Variants in FAM135B observed in about 807,000 individuals in gnomAD.
FAM135B encodes the protein protein FAM135B.
A neutral mutation model predicts 127.7 loss-of-function variants in FAM135B; 43 were observed. That is an observed-to-expected ratio of 0.34 (90% confidence interval 0.26 to 0.43). The LOEUF is 0.43. Among genes scored for constraint, FAM135B ranks in the 20% least tolerant of loss-of-function variants. The pLI is 1.00. For missense variants in FAM135B, 1,558 were observed against 1,725.6 expected (o/e 0.90, Z 1.72); for synonymous variants, 670 against 665.1 (o/e 1.01, Z -0.11).
In FAM135B at chr8:138,147,132, A is replaced by AT. The variant is rs59115248; in HGVS notation, c.3449-1083dup. On this transcript the variant is annotated intron_variant, in intron 14 of 19. Transcript: ENST00000395297. Reference sequence around the variant, plus strand: ...GTAGAGTCACAGTCATAAAATGGTCATTTTTTTAAAGGAAATCTGTGCATT... The same window carrying AT: ...GTAGAGTCACAGTCATAAAATGGTCATTTTTTTTAAAGGAAATCTGTGCATT... Among the ~76,000 whole-genome samples the AT allele has an allele frequency of 4.1e-3, 619 of 152,192 alleles. 5 individuals carry two copies. Among genetic ancestry groups the AT allele is most frequent in the African/African-American group, 0.014 (593 of 41,520 alleles).
intron 14 of FAM135B, among the ~76,000 whole-genome samples, chr8:138,147,437 G>A (rs556564924): frequency 5.3e-5 from 8 of 152,256 alleles, no homozygotes; most frequent in African/African-American, 1.9e-4. Flanking sequence ...TTAATAAACT[G>A]AGAACATTTA....
intron 5 of FAM135B, among the ~76,000 whole-genome samples, chr8:138,255,926 G>C (rs949696735): frequency 3.3e-5 from 5 of 152,160 alleles, no homozygotes; most frequent in Non-Finnish European, 7.4e-5. Flanking sequence ...AAGAAAGGGG[G>C]GATATGAAGC....
chr8:138,416,759 A>G (rs1361538333), intron 1 of FAM135B, among the ~76,000 whole-genome samples: 3 of 152,112 alleles, frequency 2.0e-5, no homozygotes, highest in African/African-American at 7.2e-5. Flanking sequence ...CAAGAAGATT[A>G]GCACACTCCA....
chr8:138,430,297 G>C (rs1835123757), intron 1 of FAM135B, among the ~76,000 whole-genome samples: 1 of 152,130 alleles, frequency 6.6e-6, no homozygotes, highest in South Asian at 2.1e-4. Flanking sequence ...AAGATGCTTG[G>C]TATATGCTTC....
intron 3 of FAM135B, among the ~76,000 whole-genome samples, chr8:138,296,500 A>G (rs1197983302): frequency 1.3e-5 from 2 of 152,340 alleles, no homozygotes; most frequent in East Asian, 3.9e-4. Flanking sequence ...TAAAGCAGAC[A>G]AACATAATTT....
rs939660015 is a variant in FAM135B at position 138,384,327 on chromosome 8, C to A, written c.-19-16325G>T. Among the ~76,000 whole-genome samples the A allele has an allele frequency of 3.9e-5, 6 of 152,090 alleles. 1 individual carries two copies. In the Middle Eastern group the frequency reaches 0.017, roughly 431 times the overall value. On this transcript the variant is annotated intron_variant, in intron 1 of 19. Coordinates refer to ENST00000395297, the MANE Select transcript of FAM135B (RefSeq NM_015912.4). Reference sequence around the variant, plus strand: ...GAGGCTAGTGGTTGCCTAGTGGTAACCTAGGCCCCATAGGCTCCATTTATT... The same window carrying A: ...GAGGCTAGTGGTTGCCTAGTGGTAAACTAGGCCCCATAGGCTCCATTTATT...
intron 1 of FAM135B, among the ~76,000 whole-genome samples, chr8:138,405,798 C>T (rs967987383): frequency 1.2e-4 from 18 of 152,010 alleles, no homozygotes; most frequent in African/African-American, 4.1e-4. Context: ...CACTGACTTC[C>T]ACAATGGTTG....
Position 138,152,553 on chromosome 8 carries a change from C to G in FAM135B, c.1922G>C (p.Cys641Ser), listed in dbSNP as rs2130773815. Residue 641 changes from cysteine to serine, a missense_variant, in exon 13 of 20, where the codon TGT (cysteine) becomes TCT (serine). Physicochemically the swap from Cys to Ser is moderately radical, Grantham distance 112 (BLOSUM62 -1). Coordinates refer to ENST00000395297, the MANE Select transcript of FAM135B (RefSeq NM_015912.4). ...LSLKLTPSEPCDPLSSTLREP... is the reference protein window; with the variant it reads ...LSLKLTPSEPSDPLSSTLREP... ...CCTCAGGGTAGAACTTAGTGGATCA[C>G]AGGGCTCAGAGGGGGTGAGTTTCAA... is the stretch of plus-strand genomic sequence containing the variant. The G allele has an allele frequency of 1.2e-6, 2 of 1,614,182 alleles. No individual in the cohort carries two copies. The highest frequency in any genetic ancestry group is 2.2e-5 in the East Asian group (1 of 44,858).
Position 138,426,294 on chromosome 8 carries a change from GGCTAA to G in FAM135B, c.-19-58297_-19-58293del, listed in dbSNP as rs147060970. Reference sequence around the variant, plus strand: ...TATGGCACTTCATATTGACCAGAATGGCTAAGCTAAAATATAAAAGCAGAGATTAC... The same window carrying G: ...TATGGCACTTCATATTGACCAGAATGGCTAAAATATAAAAGCAGAGATTAC... On this transcript the variant is annotated intron_variant, in intron 1 of 19. Transcript: ENST00000395297. 7.1e-3 allele frequency among the ~76,000 whole-genome samples: 1,075 copies of G among 151,310 alleles called. 6 individuals are homozygous for G. Among genetic ancestry groups the G allele is most frequent in the Non-Finnish European group, 0.012 (847 of 67,844 alleles).
Position 138,243,210 on chromosome 8 carries a change from A to T in FAM135B, c.543-142T>A. On this transcript the variant is annotated intron_variant, in intron 6 of 19. Transcript: ENST00000395297. The surrounding 1 kb of genome is among the most constrained non-coding windows in gnomAD (Gnocchi z 7.5). Reference sequence around the variant, plus strand: ...AGTTCACCCCCTAGGGAGTGTTTGCATGTGACATTTGTGGATATTTTGATG... The same window carrying T: ...AGTTCACCCCCTAGGGAGTGTTTGCTTGTGACATTTGTGGATATTTTGATG... The T allele has an allele frequency of 1.1e-6, 1 of 943,972 alleles. No individual in the cohort carries two copies. The highest frequency in any genetic ancestry group is 1.5e-6 in the Non-Finnish European group (1 of 664,946). The allele number at this position is 943,972 out of a possible 1,614,324, so 58.5% of individuals were successfully genotyped here.
intron 2 of FAM135B, among the ~76,000 whole-genome samples, chr8:138,360,411 G>C (rs1053423758): frequency 6.6e-6 from 1 of 152,188 alleles, no homozygotes; most frequent in Non-Finnish European, 1.5e-5. Context: ...CATTCCTCCT[G>C]CTTTCTCACC....
Position 138,317,636 on chromosome 8 carries a change from T to C in FAM135B, c.78-6716A>G, listed in dbSNP as rs555406089. Reference sequence around the variant, plus strand: ...GCATCTGTCCTGTTCAACAGGAAAATCACAGTGACTGGATCTATTGGAAAG... The same window carrying C: ...GCATCTGTCCTGTTCAACAGGAAAACCACAGTGACTGGATCTATTGGAAAG... On this transcript the variant is annotated intron_variant, in intron 2 of 19. Coordinates refer to ENST00000395297, the MANE Select transcript of FAM135B (RefSeq NM_015912.4). 1.3e-4 allele frequency among the ~76,000 whole-genome samples: 20 copies of C among 152,292 alleles called. No individual in the cohort carries two copies. In the South Asian group the frequency reaches 4.2e-3, roughly 32 times the overall value.
chr8:138,212,051 G>A (rs905299458), intron 7 of FAM135B, among the ~76,000 whole-genome samples: 2 of 152,172 alleles, frequency 1.3e-5, no homozygotes, highest in African/African-American at 4.8e-5. Flanking sequence ...CTTGGTGACA[G>A]AAAGACATTG....
At chr8:138,230,869 T>C (rs1384513603) in intron 7 of FAM135B, among the ~76,000 whole-genome samples, 1 of 152,174 alleles carries the variant, frequency 6.6e-6, no homozygotes, top group Non-Finnish European at 1.5e-5. Context: ...AAAAACTGAT[T>C]AGGCTGTCAA....
intron 1 of FAM135B, among the ~76,000 whole-genome samples, chr8:138,378,006 T>C (rs1831597432): frequency 6.6e-6 from 1 of 152,230 alleles, no homozygotes; most frequent in Non-Finnish European, 1.5e-5. Context: ...AAGCACTCTT[T>C]CTTGCTGTGA....
At chr8:138,475,533 C>T (rs1298520494) in intron 1 of FAM135B, among the ~76,000 whole-genome samples, 1 of 152,122 alleles carries the variant, frequency 6.6e-6, no homozygotes, top group Non-Finnish European at 1.5e-5. Flanking sequence ...TCATCCAACC[C>T]AAAACCTCAG....
At chr8:138,255,615 G>A (rs1822021248) in intron 5 of FAM135B, among the ~76,000 whole-genome samples, 1 of 152,156 alleles carries the variant, frequency 6.6e-6, no homozygotes, top group South Asian at 2.1e-4. Flanking sequence ...CTTTTCCCAT[G>A]GGCCAGATGT....
intron 2 of FAM135B, among the ~76,000 whole-genome samples, chr8:138,325,418 G>A (rs1171673909): frequency 1.3e-5 from 2 of 152,054 alleles, no homozygotes; most frequent in African/African-American, 4.8e-5. Context: ...CAGCACCACT[G>A]CTCCACCTCC....
Position 138,466,541 on chromosome 8 carries a change from G to A in FAM135B, c.-20+30130C>T, listed in dbSNP as rs747062457. 9.9e-5 allele frequency among the ~76,000 whole-genome samples: 15 copies of A among 152,164 alleles called. No individual in the cohort carries two copies. The South Asian group carries it at 1.0e-3, about 11-fold the overall frequency. On this transcript the variant is annotated intron_variant, in intron 1 of 19. Transcript: ENST00000395297. ...CCTCATGTCCCCTGATGATGCTTTCGTGGAAGAGTGGGGGCCTGGCACTAG... is the reference window on the plus strand; with the variant it reads ...CCTCATGTCCCCTGATGATGCTTTCATGGAAGAGTGGGGGCCTGGCACTAG...
Sources: gnomAD v4.1 joint callset for allele counts (sites outside exome capture counted in the v4.1 genomes callset) on GRCh38, gnomAD v4.1.1 for gene constraint, Gnocchi (gnomAD v3.1) non-coding constraint, MANE v1.5 for transcripts, NCBI Gene and HGNC (gene_info 2026-07-23, HGNC 2026-07-21) for gene names.